CNTNAP2: variants seen among roughly 807,000 people sequenced by gnomAD.
CNTNAP2 encodes the protein contactin associated protein 2, also known as contactin-associated protein-like 2.
A neutral mutation model predicts 155.2 loss-of-function variants in CNTNAP2; 98 were observed. The ratio of observed to expected loss-of-function variants is 0.63; its 90% CI spans 0.54 to 0.75. The LOEUF is 0.75. CNTNAP2 is among the 30% of genes least tolerant of loss of function. The pLI, the probability that CNTNAP2 is intolerant of heterozygous loss-of-function variation, is 0.00. For synonymous variants in CNTNAP2, 651 were observed against 631.2 expected (o/e 1.03, Z -0.47); for missense variants, 1,727 against 1,688.1 (o/e 1.02, Z -0.40).
At chr7:146,815,444 G>A (rs1803147435) in intron 2 of CNTNAP2, among the ~76,000 whole-genome samples, 1 of 151,922 alleles carries the variant, frequency 6.6e-6, no homozygotes, top group Non-Finnish European at 1.5e-5. Context: ...TGATCTCTAT[G>A]ATTACATTAT....
intron 15 of CNTNAP2, among the ~76,000 whole-genome samples, chr7:148,092,233 A>G (rs1184252731): frequency 6.6e-6 from 1 of 152,202 alleles, no homozygotes; most frequent in Non-Finnish European, 1.5e-5. Flanking sequence ...TTGACCAACA[A>G]AAGCAGAATG....
intron 1 of CNTNAP2, among the ~76,000 whole-genome samples, chr7:146,227,795 A>G (rs1266338973): frequency 6.6e-6 from 1 of 152,216 alleles, no homozygotes; most frequent in Non-Finnish European, 1.5e-5. Flanking sequence ...CATGTTATGC[A>G]TGGCTGTTGA....
At chr7:146,947,543 ATGTG>A (rs1162152721) in intron 3 of CNTNAP2, among the ~76,000 whole-genome samples, 2,735 of 74,052 alleles carry the variant, frequency 0.037, 77 homozygotes, top group African/African-American at 0.074. Context: ...GTGTGTGTGT[ATGTG>A]TGTGTGTGTG....
chr7:147,428,589 G>A (rs763140476), intron 10 of CNTNAP2, among the ~76,000 whole-genome samples: 1 of 152,032 alleles, frequency 6.6e-6, no homozygotes, highest in Admixed American at 6.6e-5. Flanking sequence ...TTTGTTCTAC[G>A]GAAGTTACCA....
chr7:146,745,699 G>A (rs1801797893), intron 1 of CNTNAP2, among the ~76,000 whole-genome samples: 1 of 151,388 alleles, frequency 6.6e-6, no homozygotes, highest in Non-Finnish European at 1.5e-5. Context: ...CCTGGAGGTG[G>A]AGATTGCAGT....
At chr7:147,553,821 A>C (rs563363323) in intron 11 of CNTNAP2, among the ~76,000 whole-genome samples, 1 of 152,316 alleles carries the variant, frequency 6.6e-6, no homozygotes, top group East Asian at 1.9e-4. Flanking sequence ...AAGCACAAAA[A>C]TTAGCCAGGC....
chr7:146,202,356 G>A (rs1584800216), intron 1 of CNTNAP2, among the ~76,000 whole-genome samples: 1 of 152,036 alleles, frequency 6.6e-6, no homozygotes, highest in South Asian at 2.1e-4. Context: ...TCCTCTTAAG[G>A]ATAAAACTAG....
chr7:147,420,306 A>C (rs1382790869), intron 10 of CNTNAP2, among the ~76,000 whole-genome samples: 1 of 152,200 alleles, frequency 6.6e-6, no homozygotes, highest in Non-Finnish European at 1.5e-5. Flanking sequence ...TTTTTAAAGT[A>C]TTATTTGGTG....
chr7:148,175,843 C>T (rs1794924785), intron 18 of CNTNAP2, among the ~76,000 whole-genome samples: 1 of 152,134 alleles, frequency 6.6e-6, no homozygotes, highest in African/African-American at 2.4e-5. Flanking sequence ...CCCTCCTCCC[C>T]ATCCTCCTTA....
At chr7:147,880,854 G>GGGGT (rs1419812608) in intron 13 of CNTNAP2, among the ~76,000 whole-genome samples, 48 of 143,180 alleles carry the variant, frequency 3.4e-4, no homozygotes, top group African/African-American at 8.8e-4. Flanking sequence ...ATTGGAGTTG[G>GGGGT]GTGTGTGTGT....
In CNTNAP2 at chr7:146,642,127, G is replaced by A. The variant is rs192751215; in HGVS notation, c.98-132144G>A. On this transcript the variant is annotated intron_variant, in intron 1 of 23. Transcript: ENST00000361727. ...ACAAATTTTGTTTTGTTTTGTTTTG[G>A]TTTTTTATTTTTTTATTTTTTATTT... is the stretch of plus-strand genomic sequence containing the variant. 9.2e-3 allele frequency among the ~76,000 whole-genome samples: 1,396 copies of A among 151,378 alleles called. 8 individuals are homozygous for A. Among genetic ancestry groups the A allele is most frequent in the Non-Finnish European group, 0.013 (902 of 67,710 alleles).
intron 1 of CNTNAP2, among the ~76,000 whole-genome samples, chr7:146,349,386 T>C (rs1794877665): frequency 6.6e-6 from 1 of 152,160 alleles, no homozygotes; most frequent in South Asian, 2.1e-4. Context: ...TTCTAACTTC[T>C]CTCCTGTCTG....
At chr7:147,050,027 TTC>T (rs1395635609) in intron 4 of CNTNAP2, among the ~76,000 whole-genome samples, 1 of 152,198 alleles carries the variant, frequency 6.6e-6, no homozygotes, top group Non-Finnish European at 1.5e-5. Flanking sequence ...ATAATATGAA[TTC>T]CAATTTCAAT....
intron 1 of CNTNAP2, among the ~76,000 whole-genome samples, chr7:146,655,041 TTATA>T (rs1799972695): frequency 6.6e-6 from 1 of 152,114 alleles, no homozygotes; most frequent in Non-Finnish European, 1.5e-5. Flanking sequence ...AACTTATAGA[TTATA>T]TAATTATAAA....
intron 9 of CNTNAP2, among the ~76,000 whole-genome samples, chr7:147,376,464 T>A: frequency 6.6e-6 from 1 of 152,156 alleles, no homozygotes; most frequent in East Asian, 1.9e-4. Context: ...AACACTCTGT[T>A]ATCAGGTACA....
intron 9 of CNTNAP2, among the ~76,000 whole-genome samples, chr7:147,300,562 C>T (rs1794929829): frequency 6.6e-6 from 1 of 152,162 alleles, no homozygotes; most frequent in East Asian, 1.9e-4. Context: ...TCCTCATAAT[C>T]CTCAAAAGTC....
intron 23 of CNTNAP2, among the ~76,000 whole-genome samples, chr7:148,411,358 C>T (rs895483448): frequency 1.3e-5 from 2 of 152,116 alleles, no homozygotes; most frequent in Non-Finnish European, 2.9e-5. Context: ...CTCTGCCTCC[C>T]GGGTTCAAGC....
chr7:147,333,870 C>G (rs1795621018), intron 9 of CNTNAP2, among the ~76,000 whole-genome samples: 1 of 152,060 alleles, frequency 6.6e-6, no homozygotes, highest in African/African-American at 2.4e-5. Context: ...CTGTTAGGCA[C>G]AGGTAACAAT....
intron 4 of CNTNAP2, among the ~76,000 whole-genome samples, chr7:147,044,855 T>C (rs1050420247): frequency 2.0e-5 from 3 of 152,092 alleles, no homozygotes; most frequent in African/African-American, 7.2e-5. Flanking sequence ...CCTCAATTTC[T>C]TTAAAATTTT....
Sources: gnomAD v4.1 joint callset for allele counts (sites outside exome capture counted in the v4.1 genomes callset) on GRCh38, gnomAD v4.1.1 for gene constraint, MANE v1.5 for transcripts, NCBI Gene and HGNC (gene_info 2026-07-23, HGNC 2026-07-21) for gene names.